The following CADM2 variants were observed in gnomAD, a reference collection of about 807,000 sequenced individuals.
The protein encoded by CADM2 is immunoglobulin superfamily member 4D.
Under a neutral mutation model 49.8 loss-of-function variants are expected in CADM2, and 12 were observed. The ratio of observed to expected loss-of-function variants is 0.24; its 90% CI spans 0.15 to 0.39. The LOEUF is 0.39. CADM2 is among the 10% of genes least tolerant of loss of function. The pLI, the probability that CADM2 is intolerant of heterozygous loss-of-function variation, is 1.00. For missense variants in CADM2, 378 were observed against 492.3 expected (o/e 0.77, Z 2.20); for synonymous variants, 214 against 175.4 (o/e 1.22, Z -1.74).
intron 1 of CADM2, among the ~76,000 whole-genome samples, chr3:85,282,605 A>G (rs1444410996): frequency 6.6e-6 from 1 of 151,750 alleles, no homozygotes; most frequent in Non-Finnish European, 1.5e-5. Context: ...ACTGAAACTT[A>G]TATAGATTTC....
At chr3:86,039,048 C>A (rs980570851) in intron 8 of CADM2, among the ~76,000 whole-genome samples, 1 of 152,150 alleles carries the variant, frequency 6.6e-6, no homozygotes, top group Admixed American at 6.5e-5. Flanking sequence ...CTGTTAGGGT[C>A]TTTCTATCAT....
intron 1 of CADM2, among the ~76,000 whole-genome samples, chr3:85,157,774 G>A (rs1576006011): frequency 6.6e-6 from 1 of 151,996 alleles, no homozygotes; most frequent in African/African-American, 2.4e-5. Context: ...CAGGACATAG[G>A]CATGGGCAAG....
chr3:85,819,896 G>A (rs1669426306), intron 3 of CADM2, among the ~76,000 whole-genome samples: 1 of 152,078 alleles, frequency 6.6e-6, no homozygotes, highest in African/African-American at 2.4e-5. Context: ...GTGAACATAT[G>A]GTTTGTCTGA....
intron 2 of CADM2, among the ~76,000 whole-genome samples, chr3:85,736,561 G>T (rs1208986232): frequency 6.6e-6 from 1 of 152,094 alleles, no homozygotes; most frequent in Non-Finnish European, 1.5e-5. Context: ...AGGGAACGAG[G>T]GTTAAAATTA....
chr3:85,117,252 T>A (rs931404244), intron 1 of CADM2, among the ~76,000 whole-genome samples: 1 of 23,994 alleles, frequency 4.2e-5, no homozygotes, highest in Non-Finnish European at 1.2e-4. Flanking sequence ...AATTTTATGA[T>A]TTTTTTTTTC....
At chr3:85,457,357 G>A (rs1325745013) in intron 1 of CADM2, among the ~76,000 whole-genome samples, 1 of 151,750 alleles carries the variant, frequency 6.6e-6, no homozygotes, top group Admixed American at 6.6e-5. Context: ...AGGCTGCAGT[G>A]AGCCATGATT....
At chr3:85,449,998 G>A (rs561874152) in intron 1 of CADM2, among the ~76,000 whole-genome samples, 2 of 152,098 alleles carry the variant, frequency 1.3e-5, no homozygotes, top group Non-Finnish European at 2.9e-5. Context: ...TAGAGGGCTT[G>A]GGATGTCAGA....
Position 84,959,201 on chromosome 3 carries a change from C to A in CADM2, c.-407C>A. On this transcript the variant is annotated 5_prime_UTR_variant, in exon 1 of 10. Coordinates refer to ENST00000383699, the MANE Select transcript of CADM2 (RefSeq NM_001167675.2). ...CTCCTCTCCCCCAGCCCTTCCCCTC[C>A]GTGACCTACCCACTCCTTGCAGCCC... 1 of 272,716 alleles carries A rather than the reference C, an allele frequency of 3.7e-6. No individual in the cohort carries two copies. Among genetic ancestry groups the A allele is most frequent in the Non-Finnish European group, 7.0e-6 (1 of 142,786 alleles). The allele number at this position is 272,716 out of a possible 1,614,324, so 16.9% of individuals were successfully genotyped here. A position where few individuals can be genotyped will look rare whatever the true frequency, so the allele number is the denominator to read the frequency against.
chr3:84,963,326 G>T (rs2030713926), intron 1 of CADM2, among the ~76,000 whole-genome samples: 1 of 152,138 alleles, frequency 6.6e-6, no homozygotes, highest in Non-Finnish European at 1.5e-5. Flanking sequence ...GCTAACCCTT[G>T]CTGAAACCTT....
intron 1 of CADM2, among the ~76,000 whole-genome samples, chr3:84,999,400 G>A (rs2033340822): frequency 6.6e-6 from 1 of 152,024 alleles, no homozygotes; most frequent in Non-Finnish European, 1.5e-5. Flanking sequence ...TGCCGACAGA[G>A]GTGTAACTCT....
chr3:85,504,823 G>C (rs1281423161), intron 1 of CADM2, among the ~76,000 whole-genome samples: 1 of 152,114 alleles, frequency 6.6e-6, no homozygotes, highest in East Asian at 1.9e-4. Context: ...CCTGCCCCGC[G>C]GGAAGGCAGC....
At chr3:85,432,576 A>T (rs897060297) in intron 1 of CADM2, among the ~76,000 whole-genome samples, 3 of 152,114 alleles carry the variant, frequency 2.0e-5, no homozygotes, top group African/African-American at 7.2e-5. Flanking sequence ...TTGGAGGAAA[A>T]GATCAGAATT....
chr3:85,110,310 A>G (rs892098292), intron 1 of CADM2, among the ~76,000 whole-genome samples: 2 of 151,692 alleles, frequency 1.3e-5, no homozygotes, highest in African/African-American at 2.4e-5. Flanking sequence ...TTTTATTTCT[A>G]TCATTTGCAC....
At chr3:85,890,137 G>T (rs929203666) in intron 5 of CADM2, among the ~76,000 whole-genome samples, 6 of 152,004 alleles carry the variant, frequency 3.9e-5, no homozygotes, top group Non-Finnish European at 8.8e-5. Flanking sequence ...TTCCAAAAAG[G>T]GTTTGGAGGA....
At chr3:85,475,897 G>A (rs112139270) in intron 1 of CADM2, among the ~76,000 whole-genome samples, 105 of 151,824 alleles carry the variant, frequency 6.9e-4, no homozygotes, top group African/African-American at 2.3e-3. Context: ...TTATTAATTT[G>A]CCTATCTAGA....
intron 1 of CADM2, among the ~76,000 whole-genome samples, chr3:85,608,237 C>T (rs887278784): frequency 1.3e-5 from 2 of 152,052 alleles, no homozygotes; most frequent in African/African-American, 2.4e-5. Context: ...TACATATACA[C>T]TCATGTGTTG....
intron 1 of CADM2, among the ~76,000 whole-genome samples, chr3:85,413,010 G>C (rs958763846): frequency 6.6e-6 from 1 of 151,024 alleles, no homozygotes; most frequent in Non-Finnish European, 1.5e-5. Context: ...GCGAGGTGGC[G>C]GGCGCCTGTA....
At chr3:85,856,227 ATTAG>A (rs2075312666) in intron 3 of CADM2, among the ~76,000 whole-genome samples, 2 of 152,336 alleles carry the variant, frequency 1.3e-5, no homozygotes, top group East Asian at 3.9e-4. Context: ...TATATAGCTT[ATTAG>A]TTTACTACTG....
intron 1 of CADM2, among the ~76,000 whole-genome samples, chr3:85,008,462 C>T (rs1236473590): frequency 3.3e-5 from 5 of 151,988 alleles, no homozygotes. Flanking sequence ...TTTAGTTAAA[C>T]CATAAACCAT....
Sources: gnomAD v4.1 joint callset for allele counts (sites outside exome capture counted in the v4.1 genomes callset) on GRCh38, gnomAD v4.1.1 for gene constraint, MANE v1.5 for transcripts, NCBI Gene and HGNC (gene_info 2026-07-23, HGNC 2026-07-21) for gene names.